A2ML1: variants seen among roughly 807,000 people sequenced by gnomAD.
The protein encoded by A2ML1 is alpha-2-macroglobulin-like protein 1.
A neutral mutation model predicts 181.9 loss-of-function variants in A2ML1; 161 were observed. The observed-to-expected ratio is 0.89, with a 90% CI of 0.78 to 1.01. A2ML1 has a LOEUF of 1.01. Ranked by LOEUF, A2ML1 falls within the 50% of genes least tolerant of loss-of-function variation. The probability of loss-of-function intolerance (pLI) is 0.00; values close to 1 mark genes in which losing one functional copy is unlikely to be tolerated. For missense variants in A2ML1, 1,670 were observed against 1,768.1 expected, an observed-to-expected ratio of 0.94 and a Z score of 1.00; for synonymous variants, 663 against 666.8, an observed-to-expected ratio of 0.99 and a Z score of 0.09.
At chr12:8,823,560 CCTGA>C in intron 2 of A2ML1, 156 bp from the exon 3 acceptor site, 1 of 1,074,162 alleles carries the variant, frequency 9.3e-7, no homozygotes, top group East Asian at 2.4e-5. Flanking sequence ...CCCTTTAGTT[CCTGA>C]CCTTAATTCT....
intron 33 of A2ML1, among the ~76,000 whole-genome samples, chr12:8,873,703 G>A (rs1410291003): frequency 6.6e-6 from 1 of 152,134 alleles, no homozygotes; most frequent in Non-Finnish European, 1.5e-5. Context: ...TAAATAAGGT[G>A]TTCAAGGAAA....
rs1944361880 is a variant in A2ML1, at chr12:8,864,094, C to G, written c.3717+86C>G. The G allele has an allele frequency of 7.8e-6, 10 of 1,287,284 alleles. No individual in the cohort carries two copies. In the Admixed American group the frequency reaches 2.1e-4, roughly 27 times the overall value. 79.7% of individuals were successfully genotyped at this position (1,287,284 alleles called of 1,614,324 possible). A position where few individuals can be genotyped will look rare whatever the true frequency, so the allele number is the denominator to read the frequency against. On this transcript the variant is annotated intron_variant, in intron 29 of 35. Coordinates refer to ENST00000299698, the MANE Select transcript of A2ML1 (RefSeq NM_144670.6). ...GAGGAAAACATATTGTCCTTGCCTT[C>G]TCGGTCCAGGGGCTTAGAGAGAGGA...
chr12:8,826,102 A>AT lies in A2ML1; in HGVS notation c.409+2228dup, dbSNP rs199982162. Among the ~76,000 whole-genome samples, 138 of 152,058 alleles carry AT rather than the reference A, an allele frequency of 9.1e-4. 1 individual carries two copies. In the East Asian group the frequency reaches 0.024, roughly 27 times the overall value. ...TTTATGGTTCCATAAAAATTTTATG[A>AT]TTTTTTTTACAAAAGTCCTAAGATT... is the stretch of plus-strand genomic sequence containing the variant. On this transcript the variant is annotated intron_variant, in intron 3 of 35. Coordinates refer to ENST00000299698, the MANE Select transcript of A2ML1 (RefSeq NM_144670.6).
Position 8,823,770 on chromosome 12 carries a change from G to A in A2ML1, c.297G>A (p.Ser99=), listed in dbSNP as rs759863656. The A allele has an allele frequency of 2.1e-5, 34 of 1,614,056 alleles. 1 individual carries two copies. The Middle Eastern group carries it at 2.0e-3, about 94-fold the overall frequency. The change falls in exon 3 of 36, where the codon TCG becomes TCA. Residue 99 remains serine, a synonymous_variant. Transcript: ENST00000299698. The stretch of plus-strand genomic sequence containing the variant: ...AAGAAGTGGCCACAATCCGGGTGTC[G>A]GGAGTTGGAAATAACATCAGCTTTG... ...GTEEVATIRV[S]GVGNNISFEE...
At chr12:8,875,301 C>T (rs1376645431) in intron 35 of A2ML1, among the ~76,000 whole-genome samples, 1 of 152,108 alleles carries the variant, frequency 6.6e-6, no homozygotes, top group Non-Finnish European at 1.5e-5. Flanking sequence ...TGGTCTCGAA[C>T]TCCTGACTTC....
chr12:8,886,422 C>T (rs189603694), intron 7 of A2ML1: 1 of 152,258 alleles, frequency 6.6e-6, no homozygotes, highest in Admixed American at 6.5e-5. Flanking sequence ...TCAGTAATAA[C>T]ATCTAATTTC....
rs57785077 is a variant in A2ML1 at position 8,848,014 on chromosome 12, A to G, written c.1833+316A>G. ...AAAAAAAAAAAAAAATTAACTGGGC[A>G]TGGGCCCATGCCTGTAATCCTGGGG... On this transcript the variant is annotated intron_variant, in intron 15 of 35. Transcript: ENST00000299698. Among the ~76,000 whole-genome samples the G allele has an allele frequency of 0.22, 32,044 of 147,726 alleles. 4,598 individuals are homozygous for G. The highest frequency in any genetic ancestry group is 0.4 in the African/African-American group (15,820 of 40,002).
At chr12:8,850,383 A>G in intron 18 of A2ML1, 109 bp downstream of exon 18, 1 of 686,748 alleles carries the variant, frequency 1.5e-6, no homozygotes, top group Non-Finnish European at 2.3e-6. Flanking sequence ...CCAGGAGTTC[A>G]AGACCAGCCT....
intron 16 of A2ML1, 29 bp downstream of exon 16, chr12:8,848,943 TG>T: frequency 6.3e-7 from 1 of 1,590,540 alleles, no homozygotes; most frequent in South Asian, 1.2e-5. Flanking sequence ...TTTGTTCTTA[TG>T]GGAAAGATGG....
rs745959561 is a variant in A2ML1, at chr12:8,883,935, G to A, written c.*95-2572G>A. On this transcript the variant is annotated intron_variant and NMD_transcript_variant, in intron 7 of 7. Transcript: ENST00000537475. Reference sequence around the variant, plus strand: ...CCAGTAGCTGAGACTACAGGCGCCCGCCAACACGCCTGGCTAATTTTTGTA... The same window carrying A: ...CCAGTAGCTGAGACTACAGGCGCCCACCAACACGCCTGGCTAATTTTTGTA... Among the ~76,000 whole-genome samples, 1,505 of 151,354 alleles carry A rather than the reference G, an allele frequency of 9.9e-3. 26 individuals are homozygous for A. Among genetic ancestry groups the A allele is most frequent in the African/African-American group, 0.035 (1,434 of 41,142 alleles).
chr12:8,831,398 A>T (rs73036969), intron 4 of A2ML1, among the ~76,000 whole-genome samples: 4,599 of 152,292 alleles, frequency 0.03, 146 homozygotes, highest in African/African-American at 0.084. Context: ...ATTCAAATGA[A>T]GCGGGATTAC....
downstream of A2ML1, among the ~76,000 whole-genome samples, chr12:8,879,167 CAAAG>C (rs1944844940): frequency 5.9e-5 from 9 of 151,938 alleles, no homozygotes; most frequent in South Asian, 1.9e-3. Context: ...TCTTGGGTAT[CAAAG>C]GAAGAGAGCA....
In A2ML1 at chr12:8,829,740, T is replaced by C. The variant is rs1592103349; in HGVS notation, c.423T>C (p.Ile141=). ...YTPGQQVYFR[I]VTMDSNFVPV... Reference sequence around the variant, plus strand: ...GTTCCTTTCCAGTGTATTTCCGCATTGTCACCATGGATAGCAACTTCGTTC... The same window carrying C: ...GTTCCTTTCCAGTGTATTTCCGCATCGTCACCATGGATAGCAACTTCGTTC... The change falls in exon 4 of 36, where the codon ATT becomes ATC. Residue 141 remains isoleucine (I), a synonymous_variant. Transcript: ENST00000299698. The C allele has an allele frequency of 6.2e-7, 1 of 1,613,918 alleles. No individual in the cohort carries two copies.
chr12:8,826,821 G>A (rs2136712439), intron 3 of A2ML1, among the ~76,000 whole-genome samples: 1 of 152,158 alleles, frequency 6.6e-6, no homozygotes, highest in East Asian at 1.9e-4. Context: ...GTTTCGCCAT[G>A]TTGGCCAGGC....
At chr12:8,837,144 G>A (rs754719115) in intron 7 of A2ML1, among the ~76,000 whole-genome samples, 10 of 152,036 alleles carry the variant, frequency 6.6e-5, no homozygotes, top group East Asian at 3.9e-4. Flanking sequence ...TCTTCCTCCC[G>A]GAGAAGCTGG....
chr12:8,873,035 T>C (rs1395965996), intron 33 of A2ML1, among the ~76,000 whole-genome samples: 1 of 152,066 alleles, frequency 6.6e-6, no homozygotes, highest in Non-Finnish European at 1.5e-5. Flanking sequence ...ATCTCCTGTA[T>C]ATTTGTAAGA....
chr12:8,880,193 G>A (rs930367163), downstream of A2ML1, among the ~76,000 whole-genome samples: 2 of 129,812 alleles, frequency 1.5e-5, no homozygotes, highest in African/African-American at 3.0e-5. Flanking sequence ...GTGAAACCTC[G>A]TCTGTAGTAA....
At chr12:8,864,159 G>T (rs1944364474) in intron 29 of A2ML1, 151 bp downstream of exon 29, 2 of 673,466 alleles carry the variant, frequency 3.0e-6, no homozygotes, top group Non-Finnish European at 4.9e-6. Context: ...CATAAAATGG[G>T]TTATAAGAGC....
At chr12:8,841,571 G>T in intron 11 of A2ML1, 35 bp downstream of exon 11, 1 of 1,580,522 alleles carries the variant, frequency 6.3e-7, no homozygotes, top group South Asian at 1.2e-5. Flanking sequence ...TCCTAGAAAG[G>T]AAGGCTTCCC....
Sources: allele counts gnomAD v4.1 joint callset (sites outside exome capture counted in the v4.1 genomes callset), GRCh38; gene constraint gnomAD v4.1.1; transcripts MANE v1.5; gene names NCBI Gene and HGNC (gene_info 2026-07-23, HGNC 2026-07-21).